Variants in VKORC1L1 observed in about 807,000 individuals in gnomAD.
The protein encoded by VKORC1L1 is vitamin K epoxide reductase complex subunit 1-like protein 1.
VKORC1L1 carries 2 observed loss-of-function variants against 18.9 expected under a neutral mutation model. The observed-to-expected ratio is 0.11, with a 90% CI of 0.04 to 0.33. The LOEUF is 0.33. Among genes scored for constraint, VKORC1L1 ranks in the 10% least tolerant of loss-of-function variants. The pLI is 1.00. For synonymous variants in VKORC1L1, 96 were observed against 100.0 expected (o/e 0.96, Z 0.24); for missense variants, 123 against 224.1 (o/e 0.55, Z 2.88).
intron 1 of VKORC1L1, among the ~76,000 whole-genome samples, chr7:65,936,793 A>G (rs1789951677): frequency 6.6e-6 from 1 of 152,176 alleles, no homozygotes; most frequent in Non-Finnish European, 1.5e-5. Context: ...TGCTAGAAAG[A>G]TGGGTTTCTC....
At chr7:65,914,283 G>C (rs1227202952) in intron 1 of VKORC1L1, among the ~76,000 whole-genome samples, 4 of 152,080 alleles carry the variant, frequency 2.6e-5, no homozygotes, top group African/African-American at 9.7e-5. Context: ...GAAAATTTTT[G>C]TAGAGGTGAA....
At chr7:65,938,287 T>A (rs186213862) in intron 1 of VKORC1L1, among the ~76,000 whole-genome samples, 9 of 152,232 alleles carry the variant, frequency 5.9e-5, no homozygotes, top group Admixed American at 5.9e-4. Context: ...AGAGAACACA[T>A]AAAATTAAAC....
intron 1 of VKORC1L1, among the ~76,000 whole-genome samples, chr7:65,936,986 G>A (rs1416518131): frequency 6.6e-6 from 1 of 152,156 alleles, no homozygotes; most frequent in East Asian, 1.9e-4. Context: ...CTGGACTGCT[G>A]GCCAACCTTT....
chr7:65,876,369 G>A (rs1375377358), intron 1 of VKORC1L1, among the ~76,000 whole-genome samples: 2 of 152,120 alleles, frequency 1.3e-5, no homozygotes, highest in South Asian at 2.1e-4. Context: ...GGGCGTGGTA[G>A]CATGCACCTG....
At chr7:65,933,771 G>A (rs543409406) in intron 1 of VKORC1L1, among the ~76,000 whole-genome samples, 1 of 151,864 alleles carries the variant, frequency 6.6e-6, no homozygotes, top group East Asian at 1.9e-4. Flanking sequence ...TTTAGATATT[G>A]GTATTTTTTG....
intron 1 of VKORC1L1, among the ~76,000 whole-genome samples, chr7:65,945,240 G>A (rs1353841181): frequency 1.3e-5 from 2 of 151,432 alleles, no homozygotes; most frequent in African/African-American, 4.9e-5. Context: ...CAGCCTGGGC[G>A]ACAGAGCCAG....
chr7:65,867,031 A>G, the VKORC1L1 span, among the ~76,000 whole-genome samples: 20 of 152,030 alleles, frequency 1.3e-4, no homozygotes, highest in Admixed American at 2.6e-4. Context: ...TAATAAAAAT[A>G]CAAAAATTAG....
At chr7:65,903,757 G>C (rs912180778) in intron 1 of VKORC1L1, among the ~76,000 whole-genome samples, 1 of 122,320 alleles carries the variant, frequency 8.2e-6, no homozygotes. Context: ...CTGGGTGATA[G>C]AGCGAGACCG....
Position 65,929,653 on chromosome 7 carries a change from T to C in VKORC1L1, c.195-19018T>C, listed in dbSNP as rs530332550. 2.0e-4 allele frequency among the ~76,000 whole-genome samples: 27 copies of C among 132,948 alleles called. No individual in the cohort carries two copies. The East Asian group carries it at 5.1e-3, about 25-fold the overall frequency. The allele number at this position is 132,948 out of a possible 152,430, so 87.2% of individuals were successfully genotyped here. On this transcript the variant is annotated intron_variant, in intron 1 of 2. Transcript: ENST00000360768. ...AAAATGCTACTGATATATATATATA[T>C]GTATGTGTGTGTGTGTATGTGTGTG... is the stretch of plus-strand genomic sequence containing the variant.
chr7:65,872,922 C>T (rs905815645), upstream of VKORC1L1, among the ~76,000 whole-genome samples: 2 of 151,618 alleles, frequency 1.3e-5, no homozygotes, highest in Admixed American at 6.6e-5. Context: ...CCTTTAAGTC[C>T]CTCCCGCACT....
intron 1 of VKORC1L1, among the ~76,000 whole-genome samples, chr7:65,879,856 T>C (rs957788979): frequency 1.8e-4 from 27 of 151,896 alleles, no homozygotes; most frequent in Non-Finnish European, 3.4e-4. Context: ...CTTTTCTTTC[T>C]TCTTTAACTT....
At chr7:65,903,220 G>A (rs1247597651) in intron 1 of VKORC1L1, among the ~76,000 whole-genome samples, 1 of 148,016 alleles carries the variant, frequency 6.8e-6, no homozygotes, top group East Asian at 2.0e-4. Flanking sequence ...AGGCTGGAGT[G>A]CAGTGGCATG....
intron 1 of VKORC1L1, among the ~76,000 whole-genome samples, chr7:65,886,839 GT>G (rs56234924): frequency 0.093 from 5,402 of 58,310 alleles, 130 homozygotes; most frequent in Middle Eastern, 0.17. Flanking sequence ...GCCTGTCCGA[GT>G]TTTTTTTTTT....
chr7:65,922,644 A>C (rs1789696140), intron 1 of VKORC1L1, among the ~76,000 whole-genome samples: 1 of 152,202 alleles, frequency 6.6e-6, no homozygotes, highest in Admixed American at 6.5e-5. Flanking sequence ...GTTTTTATTC[A>C]TCTGGAGAAG....
Position 65,874,729 on chromosome 7 carries a change from C to T in VKORC1L1, c.194+1164C>T, listed in dbSNP as rs372293318. On this transcript the variant is annotated intron_variant, in intron 1 of 2. Coordinates refer to ENST00000360768, the MANE Select transcript of VKORC1L1 (RefSeq NM_173517.6). ...GCTGAGGCAGGAGAATTGCTTGAACCTGGGAGGCAGAGGTTGCAGTGAGCC... is the reference window on the plus strand; with the variant it reads ...GCTGAGGCAGGAGAATTGCTTGAACTTGGGAGGCAGAGGTTGCAGTGAGCC... Among the ~76,000 whole-genome samples, 106 of 152,152 alleles carry T rather than the reference C, an allele frequency of 7.0e-4. 1 individual carries two copies. The highest frequency in any genetic ancestry group is 2.5e-3 in the African/African-American group (103 of 41,526).
chr7:65,947,171 T>C (rs1790134117), intron 1 of VKORC1L1, among the ~76,000 whole-genome samples: 1 of 152,004 alleles, frequency 6.6e-6, no homozygotes, highest in Non-Finnish European at 1.5e-5. Context: ...ACAAAAAGGA[T>C]TGCATAATTC....
At chr7:65,890,692 C>T (rs1181265935) in intron 1 of VKORC1L1, among the ~76,000 whole-genome samples, 1 of 152,200 alleles carries the variant, frequency 6.6e-6, no homozygotes, top group Non-Finnish European at 1.5e-5. Context: ...AAAGTGGTTG[C>T]ACTAGTTTAG....
intron 2 of VKORC1L1, 25 bp from the exon 3 acceptor site, chr7:65,954,049 T>C (rs1322765024): frequency 6.4e-7 from 1 of 1,570,794 alleles, no homozygotes. Context: ...AAGGCCTGAC[T>C]GAGCCTGCGT....
At chr7:65,946,860 G>T (rs997735425) in intron 1 of VKORC1L1, among the ~76,000 whole-genome samples, 1 of 152,048 alleles carries the variant, frequency 6.6e-6, no homozygotes, top group South Asian at 2.1e-4. Context: ...TGAAGGCTGG[G>T]TGTCATAGCT....
Sources: gnomAD v4.1 joint callset for allele counts (sites outside exome capture counted in the v4.1 genomes callset) on GRCh38, gnomAD v4.1.1 for gene constraint, MANE v1.5 for transcripts, NCBI Gene and HGNC (gene_info 2026-07-23, HGNC 2026-07-21) for gene names.